Variants in EMID1 observed in about 807,000 individuals in gnomAD.
EMID1 encodes the protein EMI domain containing 1, also known as EMI domain-containing protein 1.
A neutral mutation model predicts 60.6 loss-of-function variants in EMID1; 40 were observed. The ratio of observed to expected loss-of-function variants is 0.66; its 90% CI spans 0.51 to 0.86. The LOEUF (loss-of-function observed/expected upper bound fraction) is 0.86, where lower values mean the gene tolerates loss of function less well. Ranked by LOEUF, EMID1 falls within the 40% of genes least tolerant of loss-of-function variation. The pLI, the probability that EMID1 is intolerant of heterozygous loss-of-function variation, is 0.00. For synonymous variants in EMID1, 242 were observed against 231.0 expected (o/e 1.05, Z -0.43); for missense variants, 585 against 597.1 (o/e 0.98, Z 0.21).
rs2039632116 is a variant in EMID1 at position 29,205,994 on chromosome 22, G to A, written c.-45G>A. 1 of 1,146,292 alleles carries A rather than the reference G, an allele frequency of 8.7e-7. No homozygotes were observed. Among genetic ancestry groups the A allele is most frequent in the Non-Finnish European group, 1.1e-6 (1 of 926,812 alleles). The allele number at this position is 1,146,292 out of a possible 1,614,324, so 71.0% of individuals were successfully genotyped here. ...AGGCAGGCGGGGAGGACAGGCTGGG[G>A]GCGGCGACCGCGAGGGGCCGCGCGC... On this transcript the variant is annotated 5_prime_UTR_variant, in exon 1 of 15. Coordinates refer to ENST00000334018, the MANE Select transcript of EMID1 (RefSeq NM_133455.4).
rs763926818 is a variant in EMID1, at chr22:29,231,170, GAAT to G, written c.586+31_586+33del. ...GTGTCAGACTCAGACTCCCCTGTGG[GAAT>G]GAGCAGTGGGTTGGGAATCGGGGAA... On this transcript the variant is annotated intron_variant, in intron 6 of 14. Coordinates refer to ENST00000334018, the MANE Select transcript of EMID1 (RefSeq NM_133455.4). The G allele has an allele frequency of 2.3e-5, 36 of 1,567,582 alleles. No homozygotes were observed. In the African/African-American group the frequency reaches 4.0e-4, roughly 17 times the overall value.
intron 3 of EMID1, among the ~76,000 whole-genome samples, chr22:29,216,853 C>T (rs2040104436): frequency 6.6e-6 from 1 of 152,206 alleles, no homozygotes; most frequent in Non-Finnish European, 1.5e-5. Context: ...AACCGGGTGG[C>T]TAGAGGGAGA....
rs182397043 is a variant in EMID1, at chr22:29,231,448, C to G, written c.587-145C>G. 1.2e-4 allele frequency: 112 copies of G among 920,030 alleles called. 2 individuals are homozygous for G. The Admixed American group carries it at 1.6e-3, about 13-fold the overall frequency. The allele number at this position is 920,030 out of a possible 1,614,324, so 57.0% of individuals were successfully genotyped here. A position where few individuals can be genotyped will look rare whatever the true frequency, so the allele number is the denominator to read the frequency against. On this transcript the variant is annotated intron_variant, in intron 6 of 14. Transcript: ENST00000334018. Reference sequence around the variant, plus strand: ...GGGACACTGACCTCTGCCTACCCCCCCCACCCCAGGGCTGCCAGGAGCCAT... The same window carrying G: ...GGGACACTGACCTCTGCCTACCCCCGCCACCCCAGGGCTGCCAGGAGCCAT...
At position 29,259,106 on chromosome 22, in the gene EMID1, C is replaced by A; in HGVS notation, c.*162C>A. 1 of 1,126,952 alleles carries A rather than the reference C, an allele frequency of 8.9e-7. No individual in the cohort carries two copies. The highest frequency in any genetic ancestry group is 1.2e-6 in the Non-Finnish European group (1 of 814,986). The allele number at this position is 1,126,952 out of a possible 1,614,324, so 69.8% of individuals were successfully genotyped here. A position where few individuals can be genotyped will look rare whatever the true frequency, so the allele number is the denominator to read the frequency against. ...AGCAGGTCTCAGTCCTGGCACCATGCACATGTCTGAGGCTGAGCAAGGGCT... is the reference window on the plus strand; with the variant it reads ...AGCAGGTCTCAGTCCTGGCACCATGAACATGTCTGAGGCTGAGCAAGGGCT... On this transcript the variant is annotated 3_prime_UTR_variant, in exon 15 of 15. Coordinates refer to ENST00000334018, the MANE Select transcript of EMID1 (RefSeq NM_133455.4).
intron 1 of EMID1, among the ~76,000 whole-genome samples, chr22:29,213,919 C>G (rs919596048): frequency 3.9e-5 from 6 of 152,206 alleles, no homozygotes; most frequent in Non-Finnish European, 8.8e-5. Flanking sequence ...TCAAATCTGG[C>G]TTCTCCACGC....
rs753886315 is a variant in EMID1, at chr22:29,234,330, A to G, written c.1055A>G (p.Gln352Arg). Reference protein sequence around the residue: ...ERGLRGEPGPQGSAGQRGEPG... With the variant: ...ERGLRGEPGPRGSAGQRGEPG... The stretch of plus-strand genomic sequence containing the variant: ...GGACTGCGTGGGGAGCCTGGCCCCC[A>G]AGGCTCTGCTGGGCAGCGGGTAAGT... Residue 352 changes from glutamine (Q) to arginine (R), a missense_variant, in exon 12 of 15, where the codon CAA becomes CGA. Physicochemically the swap from Gln to Arg is conservative, Grantham distance 43. Transcript: ENST00000334018. 17 of 1,613,856 alleles carry G rather than the reference A, an allele frequency of 1.1e-5. No homozygotes were observed. The highest frequency in any genetic ancestry group is 1.4e-5 in the Non-Finnish European group (16 of 1,180,000).
intron 3 of EMID1, among the ~76,000 whole-genome samples, chr22:29,222,844 C>A (rs1185961303): frequency 6.6e-6 from 1 of 152,162 alleles, no homozygotes; most frequent in Non-Finnish European, 1.5e-5. Context: ...ATAATCCCAG[C>A]ACTTTGGGAG....
At chr22:29,247,864 C>T (rs2041378843) in intron 13 of EMID1, among the ~76,000 whole-genome samples, 1 of 151,908 alleles carries the variant, frequency 6.6e-6, no homozygotes, top group Non-Finnish European at 1.5e-5. Context: ...CTCCTGACCT[C>T]AAGTGATCCG....
At chr22:29,255,970 C>T (rs1188428045) in intron 14 of EMID1, among the ~76,000 whole-genome samples, 1 of 152,150 alleles carries the variant, frequency 6.6e-6, no homozygotes, top group African/African-American at 2.4e-5. Flanking sequence ...GTGGGTGGTA[C>T]CCCTCCTTGC....
At chr22:29,238,240 G>A (rs2041025444) in intron 12 of EMID1, among the ~76,000 whole-genome samples, 1 of 130,394 alleles carries the variant, frequency 7.7e-6, no homozygotes, top group Non-Finnish European at 1.6e-5. Context: ...TTGATTCTCT[G>A]AAGTTTTTCT....
chr22:29,258,606 T>G (rs964512401), intron 14 of EMID1, among the ~76,000 whole-genome samples: 11 of 152,298 alleles, frequency 7.2e-5, no homozygotes, highest in African/African-American at 2.4e-4. Context: ...AGGCCCTGAG[T>G]GCTCTCCTTG....
rs922323450 is a variant in EMID1, at chr22:29,258,711, C to T, written c.1205-106C>T. The T allele has an allele frequency of 2.0e-5, 29 of 1,486,898 alleles. No homozygotes were observed. The African/African-American group carries it at 3.7e-4, about 19-fold the overall frequency. The allele number at this position is 1,486,898 out of a possible 1,614,324, so 92.1% of individuals were successfully genotyped here. ...CAGCCAGATACCAGGGTGGATTATACCTGGCAGAGCGTGCCCGGTTCTGCC... is the reference window on the plus strand; with the variant it reads ...CAGCCAGATACCAGGGTGGATTATATCTGGCAGAGCGTGCCCGGTTCTGCC... On this transcript the variant is annotated intron_variant, in intron 14 of 14. Transcript: ENST00000334018.
intron 12 of EMID1, among the ~76,000 whole-genome samples, chr22:29,240,557 A>G (rs1454719571): frequency 6.6e-6 from 1 of 152,152 alleles, no homozygotes; most frequent in Non-Finnish European, 1.5e-5. Flanking sequence ...CTCAGGGCAT[A>G]AAACCCCTCG....
chr22:29,243,325 C>T (rs1602022352), intron 12 of EMID1, 120 bp from the exon 13 acceptor site: 1 of 991,612 alleles, frequency 1.0e-6, no homozygotes, highest in Non-Finnish European at 1.5e-6. Context: ...CCAATACAAG[C>T]TACTTTCTGT....
intron 1 of EMID1, among the ~76,000 whole-genome samples, chr22:29,213,837 A>T (rs995511731): frequency 6.6e-6 from 1 of 152,020 alleles, no homozygotes; most frequent in Non-Finnish European, 1.5e-5. Flanking sequence ...GCTCAAGGAG[A>T]TGAGGAGAAG....
intron 2 of EMID1, 141 bp downstream of exon 2, chr22:29,215,180 C>T: frequency 4.2e-6 from 6 of 1,419,138 alleles, no homozygotes; most frequent in Non-Finnish European, 5.5e-6. Flanking sequence ...TCAGCCGACA[C>T]CATTCTCAGC....
chr22:29,234,309 T>A lies in EMID1; in HGVS notation c.1034T>A (p.Leu345Gln), dbSNP rs988439668. ...CGTCTCCTCCCTCTTACACAGGGACTGCGTGGGGAGCCTGGCCCCCAAGGC... is the reference window on the plus strand; with the variant it reads ...CGTCTCCTCCCTCTTACACAGGGACAGCGTGGGGAGCCTGGCCCCCAAGGC... The part of the protein sequence containing the change: ...GHPGEKGERG[L>Q]RGEPGPQGSA... The change falls in exon 12 of 15, where the codon CTG (leucine) becomes CAG (glutamine). Residue 345 changes from leucine to glutamine, a missense_variant. Leu to Gln is a moderately radical substitution (Grantham distance 113). Transcript: ENST00000334018. 5 of 1,614,004 alleles carry A rather than the reference T, an allele frequency of 3.1e-6. No homozygotes were observed. In the African/African-American group the frequency reaches 6.7e-5, roughly 22 times the overall value.
At chr22:29,216,872 G>A (rs1162779479) in intron 3 of EMID1, among the ~76,000 whole-genome samples, 4 of 152,240 alleles carry the variant, frequency 2.6e-5, no homozygotes, top group African/African-American at 7.2e-5. Flanking sequence ...GAGCTGAGAC[G>A]CCCCATGCCA....
intron 5 of EMID1, among the ~76,000 whole-genome samples, chr22:29,228,289 G>A (rs1432604423): frequency 6.6e-6 from 1 of 151,836 alleles, no homozygotes; most frequent in African/African-American, 2.4e-5. Context: ...TTGCACCACT[G>A]CTCTCCACCC....
Sources: allele counts gnomAD v4.1 joint callset (sites outside exome capture counted in the v4.1 genomes callset), GRCh38; gene constraint gnomAD v4.1.1; transcripts MANE v1.5; gene names NCBI Gene and HGNC (gene_info 2026-07-23, HGNC 2026-07-21).